CHODL: variants seen among roughly 807,000 people sequenced by gnomAD.
The protein encoded by CHODL is transmembrane protein MT75.
A neutral mutation model predicts 34.5 loss-of-function variants in CHODL; 29 were observed. That is an observed-to-expected ratio of 0.84 (90% CI 0.63 to 1.15). CHODL has a LOEUF of 1.15. Among genes scored for constraint, CHODL ranks in the 50% most tolerant of loss-of-function variants. The pLI, the probability that CHODL is intolerant of heterozygous loss-of-function variation, is 0.00. For synonymous variants in CHODL, 125 were observed against 116.1 expected (o/e 1.08, Z -0.49); for missense variants, 332 against 332.5 (o/e 1.00, Z 0.01).
At position 18,262,822 on chromosome 21, in the gene CHODL, A is replaced by G; in HGVS notation, c.666A>G (p.Ile222Met). 6.2e-7 allele frequency: 1 copy of G among 1,606,204 alleles called. No individual in the cohort carries two copies. The highest frequency in any genetic ancestry group is 8.5e-7 in the Non-Finnish European group (1 of 1,173,346). Reference sequence around the variant, plus strand: ...TTCCCAATCTAATTTATGTTGTTATACCAACAATACCCCTGCTCTTACTGA... The same window carrying G: ...TTCCCAATCTAATTTATGTTGTTATGCCAACAATACCCCTGCTCTTACTGA... The part of the protein sequence containing the change: ...GIIPNLIYVV[I>M]PTIPLLLLIL... Residue 222 changes from isoleucine to methionine, a missense_variant, in exon 5 of 6, where the codon ATA (isoleucine) becomes ATG (methionine). Coordinates refer to ENST00000299295, the MANE Select transcript of CHODL (RefSeq NM_024944.3).
chr21:18,015,839 G>C (rs533037827), intron 1 of CHODL, among the ~76,000 whole-genome samples: 7 of 152,274 alleles, frequency 4.6e-5, no homozygotes, highest in African/African-American at 1.7e-4. Context: ...TTGAACTTGA[G>C]AGAGATGATT....
chr21:18,205,032 T>C (rs1042864805), intron 2 of CHODL, among the ~76,000 whole-genome samples: 1 of 152,180 alleles, frequency 6.6e-6, no homozygotes, highest in African/African-American at 2.4e-5. Flanking sequence ...ACTGAAACTT[T>C]GTAGAAAGGG....
intron 2 of CHODL, among the ~76,000 whole-genome samples, chr21:18,118,745 A>G (rs2065443550): frequency 6.6e-6 from 1 of 152,162 alleles, no homozygotes; most frequent in African/African-American, 2.4e-5. Context: ...CTCTAATGAC[A>G]CTTCACTCTC....
chr21:17,947,228 C>T (rs1441701493), intron 1 of CHODL, among the ~76,000 whole-genome samples: 1 of 151,878 alleles, frequency 6.6e-6, no homozygotes, highest in South Asian at 2.1e-4. Context: ...TTACAAATAC[C>T]TTATAATTAA....
At chr21:18,127,225 AATG>A (rs1397338019) in intron 2 of CHODL, among the ~76,000 whole-genome samples, 1 of 152,172 alleles carries the variant, frequency 6.6e-6, no homozygotes, top group Non-Finnish European at 1.5e-5. Context: ...AATACAGTGT[AATG>A]ATGATTGAAC....
chr21:18,135,344 A>AT (rs76453342), intron 2 of CHODL, among the ~76,000 whole-genome samples: 161 of 150,106 alleles, frequency 1.1e-3, no homozygotes, highest in Middle Eastern at 3.4e-3. Flanking sequence ...TGAGTTATTG[A>AT]TTTTTTTTTT....
At chr21:18,087,442 G>A (rs1163377544) in intron 2 of CHODL, among the ~76,000 whole-genome samples, 4 of 152,114 alleles carry the variant, frequency 2.6e-5, no homozygotes, top group Admixed American at 1.3e-4. Context: ...AGATGGAAAG[G>A]CCCCTCAAGC....
intron 1 of CHODL, among the ~76,000 whole-genome samples, chr21:18,248,751 T>C (rs2074186818): frequency 1.7e-5 from 2 of 116,176 alleles, no homozygotes; most frequent in Non-Finnish European, 3.3e-5. Flanking sequence ...GTATAATATA[T>C]ATGTATATAT....
chr21:18,090,896 G>A (rs1326618792), intron 2 of CHODL, among the ~76,000 whole-genome samples: 1 of 152,148 alleles, frequency 6.6e-6, no homozygotes, highest in Non-Finnish European at 1.5e-5. Flanking sequence ...CAAATCAGGT[G>A]AGCAGTCACA....
chr21:18,198,077 TTATC>T (rs762483661), intron 2 of CHODL, among the ~76,000 whole-genome samples: 1 of 152,208 alleles, frequency 6.6e-6, no homozygotes, highest in African/African-American at 2.4e-5. Flanking sequence ...AAGCTGAAAA[TTATC>T]TACAGGTCAG....
At chr21:18,121,189 G>T (rs1376596370) in intron 2 of CHODL, among the ~76,000 whole-genome samples, 1 of 152,032 alleles carries the variant, frequency 6.6e-6, no homozygotes, top group Non-Finnish European at 1.5e-5. Context: ...TTTAGACTCA[G>T]CAGGGGTGTC....
chr21:18,037,324 T>G (rs956334876), intron 2 of CHODL, among the ~76,000 whole-genome samples: 1 of 151,964 alleles, frequency 6.6e-6, no homozygotes, highest in Non-Finnish European at 1.5e-5. Flanking sequence ...AAAATTCTTA[T>G]TTTGTTAGTA....
intron 2 of CHODL, among the ~76,000 whole-genome samples, chr21:18,066,513 A>G (rs1393448054): frequency 6.6e-6 from 1 of 152,218 alleles, no homozygotes; most frequent in African/African-American, 2.4e-5. Flanking sequence ...ACTTTGTGGA[A>G]CAAACCTTGG....
chr21:18,100,410 A>C, intron 2 of CHODL, among the ~76,000 whole-genome samples: 1 of 152,106 alleles, frequency 6.6e-6, no homozygotes, highest in Non-Finnish European at 1.5e-5. Context: ...AAAAGTAGGA[A>C]TATAACTAGA....
intron 2 of CHODL, among the ~76,000 whole-genome samples, chr21:18,199,284 A>G (rs1481912568): frequency 1.3e-5 from 2 of 152,154 alleles, no homozygotes; most frequent in East Asian, 3.8e-4. Context: ...TTGATTTAGG[A>G]TAAAAGAAAC....
chr21:18,254,469 A>G (rs2074293046), intron 1 of CHODL, among the ~76,000 whole-genome samples: 1 of 152,156 alleles, frequency 6.6e-6, no homozygotes, highest in African/African-American at 2.4e-5. Context: ...AGTAACAGAG[A>G]GGGATCCTTG....
rs1475706377 is a variant in CHODL, at chr21:18,082,372, T to C, written c.-45+54401T>C. 2.0e-5 allele frequency among the ~76,000 whole-genome samples: 3 copies of C among 152,190 alleles called. No individual in the cohort carries two copies. The East Asian group carries it at 5.8e-4, about 29-fold the overall frequency. ...CAAATTACCCAGTCTCAGGTAGTTC[T>C]TTATAGAAGTGTGAAAATTGACTAA... On this transcript the variant is annotated intron_variant, in intron 2 of 6. Coordinates refer to the CHODL transcript ENST00000400127.
chr21:17,923,234 G>A (rs1224169994), intron 1 of CHODL, among the ~76,000 whole-genome samples: 1 of 151,644 alleles, frequency 6.6e-6, no homozygotes, highest in Non-Finnish European at 1.5e-5. Flanking sequence ...CCTTTCACAA[G>A]CTTTTCCATT....
At chr21:18,056,309 T>C (rs1314202120) in intron 2 of CHODL, among the ~76,000 whole-genome samples, 1 of 151,896 alleles carries the variant, frequency 6.6e-6, no homozygotes, top group East Asian at 1.9e-4. Flanking sequence ...GATTTATTTA[T>C]CTTTTAATAA....
Sources: allele counts gnomAD v4.1 joint callset (sites outside exome capture counted in the v4.1 genomes callset), GRCh38; gene constraint gnomAD v4.1.1; transcripts MANE v1.5; gene names NCBI Gene and HGNC (gene_info 2026-07-23, HGNC 2026-07-21).